Variants in LRRC7 observed in about 807,000 individuals in gnomAD.
LRRC7 encodes the protein leucine rich repeat containing 7.
LRRC7 carries 23 observed loss-of-function variants against 175.7 expected under a neutral mutation model. That is an observed-to-expected ratio of 0.13 (90% CI 0.09 to 0.19). The LOEUF (loss-of-function observed/expected upper bound fraction) is 0.19, where lower values mean the gene tolerates loss of function less well. LRRC7 is among the 10% of genes least tolerant of loss of function. The pLI is 1.00. For missense variants in LRRC7, 1,354 were observed against 1,904.7 expected, an observed-to-expected ratio of 0.71 and a Z score of 5.38; for synonymous variants, 685 against 680.9, an observed-to-expected ratio of 1.01 and a Z score of -0.09.
chr1:69,738,870 G>A (rs1480545768), intron 2 of LRRC7, among the ~76,000 whole-genome samples: 1 of 152,004 alleles, frequency 6.6e-6, no homozygotes, highest in Non-Finnish European at 1.5e-5. Context: ...TAGATAGGCA[G>A]GAGAAAGTTC....
chr1:69,899,633 G>T (rs989378687), intron 7 of LRRC7, among the ~76,000 whole-genome samples: 1 of 152,194 alleles, frequency 6.6e-6, no homozygotes, highest in African/African-American at 2.4e-5. Context: ...TCATGGCTGT[G>T]TTCCAATAAA....
At chr1:69,971,201 C>T (rs1478475192) in intron 8 of LRRC7, among the ~76,000 whole-genome samples, 1 of 152,116 alleles carries the variant, frequency 6.6e-6, no homozygotes, top group East Asian at 1.9e-4. Context: ...AAAGCATTCC[C>T]TCTGACAACT....
chr1:69,990,061 T>G (rs985840757), intron 10 of LRRC7, among the ~76,000 whole-genome samples: 1 of 152,060 alleles, frequency 6.6e-6, no homozygotes, highest in Non-Finnish European at 1.5e-5. Context: ...AACAAATATA[T>G]TTGAACATAT....
In LRRC7 at chr1:70,011,946, T is replaced by C; in HGVS notation, c.1134+20T>C. 6.4e-7 allele frequency: 1 copy of C among 1,567,920 alleles called. No homozygotes were observed. Among genetic ancestry groups the C allele is most frequent in the Non-Finnish European group, 8.8e-7 (1 of 1,141,282 alleles). On this transcript the variant is annotated intron_variant, in intron 12 of 26. Transcript: ENST00000651989. ...AGAGAAGTGAGAAATAAACTTGTTTTCTATTTATTAACTTTTAATTAATCT... is the reference window on the plus strand; with the variant it reads ...AGAGAAGTGAGAAATAAACTTGTTTCCTATTTATTAACTTTTAATTAATCT...
chr1:70,072,998 G>GAT (rs1662505100), intron 23 of LRRC7, among the ~76,000 whole-genome samples: 1 of 152,162 alleles, frequency 6.6e-6, no homozygotes, highest in Non-Finnish European at 1.5e-5. Flanking sequence ...GATGACCTTT[G>GAT]ATAGACAGAC....
intron 8 of LRRC7, among the ~76,000 whole-genome samples, chr1:69,939,029 A>C (rs1458979509): frequency 8.2e-6 from 1 of 121,342 alleles, no homozygotes. Context: ...ATATATATAT[A>C]TCTATATATA....
At chr1:70,005,252 A>G (rs75351516) in intron 11 of LRRC7, among the ~76,000 whole-genome samples, 2,755 of 152,290 alleles carry the variant, frequency 0.018, 84 homozygotes, top group African/African-American at 0.064. Context: ...GCCTGTCTCA[A>G]TATTTTCCAC....
At chr1:69,861,601 A>G (rs1448296104) in intron 7 of LRRC7, among the ~76,000 whole-genome samples, 1 of 152,192 alleles carries the variant, frequency 6.6e-6, no homozygotes, top group Non-Finnish European at 1.5e-5. Context: ...CAGATCTGAT[A>G]AAAGTTGAGT....
intron 7 of LRRC7, among the ~76,000 whole-genome samples, chr1:69,888,226 T>G (rs1387822531): frequency 4.3e-4 from 66 of 152,132 alleles, no homozygotes; most frequent in African/African-American, 1.1e-3. Flanking sequence ...CCTCACTGCC[T>G]CCTTGCAGTT....
intron 11 of LRRC7, among the ~76,000 whole-genome samples, chr1:70,007,392 T>A (rs1557980974): frequency 6.6e-6 from 1 of 152,218 alleles, no homozygotes; most frequent in Non-Finnish European, 1.5e-5. Flanking sequence ...CAAAACAGTC[T>A]TAATAATCAA....
At chr1:69,912,037 C>T (rs1646547475) in intron 7 of LRRC7, among the ~76,000 whole-genome samples, 1 of 151,990 alleles carries the variant, frequency 6.6e-6, no homozygotes, top group African/African-American at 2.4e-5. Flanking sequence ...GTATTTAAAG[C>T]ATACAGGAGG....
chr1:69,799,336 T>C (rs1676188384), intron 4 of LRRC7, among the ~76,000 whole-genome samples: 1 of 152,034 alleles, frequency 6.6e-6, no homozygotes, highest in Non-Finnish European at 1.5e-5. Flanking sequence ...CATTAAGTAA[T>C]TTCTCATCCT....
intron 20 of LRRC7, among the ~76,000 whole-genome samples, chr1:70,037,868 A>C (rs1000253816): frequency 2.0e-5 from 3 of 152,216 alleles, no homozygotes; most frequent in African/African-American, 7.2e-5. Flanking sequence ...GATACAATAC[A>C]CGTAATAGAT....
At chr1:69,688,316 T>G (rs570752511) in intron 2 of LRRC7, among the ~76,000 whole-genome samples, 1 of 152,224 alleles carries the variant, frequency 6.6e-6, no homozygotes, top group African/African-American at 2.4e-5. Context: ...AGTCCCCAGA[T>G]ACTTGTGTTC....
chr1:69,653,256 T>C (rs1177037613), intron 1 of LRRC7, among the ~76,000 whole-genome samples: 2 of 147,722 alleles, frequency 1.4e-5, no homozygotes, highest in African/African-American at 5.0e-5. Context: ...AATAACCCAA[T>C]TTAAAAGTGG....
intron 1 of LRRC7, among the ~76,000 whole-genome samples, chr1:69,642,819 G>A (rs185401450): frequency 2.7e-5 from 4 of 147,658 alleles, no homozygotes; most frequent in Admixed American, 7.4e-5. Flanking sequence ...TACATAGATA[G>A]ATAGATAGAT....
intron 4 of LRRC7, among the ~76,000 whole-genome samples, chr1:69,825,384 T>A (rs892861771): frequency 3.2e-4 from 49 of 152,330 alleles, no homozygotes; most frequent in African/African-American, 1.2e-3. Context: ...TACATCTACT[T>A]GTTCTCCCTT....
chr1:69,838,320 A>G (rs1557793292), intron 7 of LRRC7, 37 bp downstream of exon 7: 2 of 1,501,580 alleles, frequency 1.3e-6, no homozygotes, highest in East Asian at 4.6e-5. Flanking sequence ...TTGAACTGTG[A>G]TTTTTTTCAC....
intron 4 of LRRC7, among the ~76,000 whole-genome samples, chr1:69,811,349 G>C (rs985075626): frequency 6.6e-6 from 1 of 152,150 alleles, no homozygotes; most frequent in Non-Finnish European, 1.5e-5. Context: ...AACCATTGTA[G>C]AAGACAGTGT....
Sources: gnomAD v4.1 joint callset for allele counts (sites outside exome capture counted in the v4.1 genomes callset) on GRCh38, gnomAD v4.1.1 for gene constraint, MANE v1.5 for transcripts, NCBI Gene and HGNC (gene_info 2026-07-23, HGNC 2026-07-21) for gene names.